The following PTPN3 variants were observed in gnomAD, a reference collection of about 807,000 sequenced individuals.
The protein encoded by PTPN3 is tyrosine-protein phosphatase non-receptor type 3.
Under a neutral mutation model 132.7 loss-of-function variants are expected in PTPN3, and 96 were observed. The observed-to-expected ratio is 0.72, with a 90% CI of 0.61 to 0.86. The LOEUF is 0.86. Ranked by LOEUF, PTPN3 falls within the 40% of genes least tolerant of loss-of-function variation. The pLI, the probability that PTPN3 is intolerant of heterozygous loss-of-function variation, is 0.00. For missense variants in PTPN3, 1,125 were observed against 1,159.6 expected (o/e 0.97, Z 0.43); for synonymous variants, 398 against 429.0 (o/e 0.93, Z 0.89).
intron 1 of PTPN3, among the ~76,000 whole-genome samples, chr9:109,477,399 C>T (rs780096255): frequency 6.6e-6 from 1 of 152,228 alleles, no homozygotes; most frequent in Middle Eastern, 3.4e-3. Flanking sequence ...ACCATATTAC[C>T]TCTGCTCTAA....
chr9:109,472,318 G>C (rs910621645), intron 1 of PTPN3, among the ~76,000 whole-genome samples: 21 of 152,202 alleles, frequency 1.4e-4, no homozygotes, highest in African/African-American at 5.1e-4. Flanking sequence ...CCCTTCCTCA[G>C]AAACCCGTTG....
chr9:109,423,194 T>C (rs937083156), intron 12 of PTPN3, among the ~76,000 whole-genome samples: 1 of 152,270 alleles, frequency 6.6e-6, no homozygotes, highest in African/African-American at 2.4e-5. Flanking sequence ...TTATTCACAC[T>C]GGCCTAAGTA....
chr9:109,476,430 A>G (rs909642886), intron 1 of PTPN3, among the ~76,000 whole-genome samples: 1 of 152,130 alleles, frequency 6.6e-6, no homozygotes, highest in Non-Finnish European at 1.5e-5. Flanking sequence ...AAAAAATAAA[A>G]GGTAAAGAAA....
chr9:109,517,909 TCCTGGCCACTC>T, the PTPN3 span, among the ~76,000 whole-genome samples: 1 of 152,162 alleles, frequency 6.6e-6, no homozygotes, highest in Non-Finnish European at 1.5e-5. Context: ...ACATTGAGTC[TCCTGGCCACTC>T]CCTGCAGGCT....
At chr9:109,413,217 G>C (rs555659795) in intron 14 of PTPN3, among the ~76,000 whole-genome samples, 1 of 152,064 alleles carries the variant, frequency 6.6e-6, no homozygotes, top group South Asian at 2.1e-4. Context: ...GCCTCCCAAA[G>C]TGCTGGGATT....
Position 109,381,639 on chromosome 9 carries a change from GA to G in PTPN3, c.2664+12del. The G allele has an allele frequency of 6.2e-7, 1 of 1,614,118 alleles. No individual in the cohort carries two copies. Reference sequence around the variant, plus strand: ...AAAGTGCCAGCCACCGTAATTACTGGATTTCTACTCACTGATGTCTGCACCA... The same window carrying G: ...AAAGTGCCAGCCACCGTAATTACTGGTTTCTACTCACTGATGTCTGCACCA... On this transcript the variant is annotated intron_variant, in intron 25 of 25. Coordinates refer to ENST00000374541, the MANE Select transcript of PTPN3 (RefSeq NM_002829.4).
the PTPN3 span, among the ~76,000 whole-genome samples, chr9:109,535,546 C>T: frequency 2.0e-5 from 3 of 151,820 alleles, no homozygotes; most frequent in Admixed American, 1.3e-4. Context: ...TTCTCTCTGT[C>T]GCCCAGGCTG....
chr9:109,438,652 C>A (rs942215223), intron 7 of PTPN3, among the ~76,000 whole-genome samples: 2 of 152,166 alleles, frequency 1.3e-5, no homozygotes, highest in African/African-American at 4.8e-5. Flanking sequence ...CTCTGCCATA[C>A]CCCAAGGTTA....
At chr9:109,493,034 T>G (rs1847529511) in intron 1 of PTPN3, among the ~76,000 whole-genome samples, 1 of 152,240 alleles carries the variant, frequency 6.6e-6, no homozygotes, top group African/African-American at 2.4e-5. Flanking sequence ...TGTTTTAAAT[T>G]TAGAGAAACA....
In PTPN3 at chr9:109,457,414, A is replaced by G. The variant is rs756502900; in HGVS notation, c.139-15T>C. On this transcript the variant is annotated splice_polypyrimidine_tract_variant and intron_variant, in intron 2 of 25. Coordinates refer to ENST00000374541, the MANE Select transcript of PTPN3 (RefSeq NM_002829.4). ...GTGTCTTGTTTCTAGAACAAAGGAA[A>G]TTATCAAGTGGGAAAAGTCTTAAAT... is the stretch of plus-strand genomic sequence containing the variant. 3 of 1,588,388 alleles carry G rather than the reference A, an allele frequency of 1.9e-6. No homozygotes were observed. Among genetic ancestry groups the G allele is most frequent in the Non-Finnish European group, 2.6e-6 (3 of 1,165,016 alleles).
intron 1 of PTPN3, among the ~76,000 whole-genome samples, chr9:109,467,167 T>A: frequency 6.6e-6 from 1 of 152,274 alleles, no homozygotes; most frequent in South Asian, 2.1e-4. Flanking sequence ...CAAAAAGTTA[T>A]CAAAAGACAA....
chr9:109,408,230 A>C (rs1331806270), intron 17 of PTPN3, 91 bp downstream of exon 17: 1 of 1,093,516 alleles, frequency 9.1e-7, no homozygotes, highest in East Asian at 2.5e-5. Flanking sequence ...TTGCTCTGGC[A>C]AAAAAAGAAA....
upstream of PTPN3, among the ~76,000 whole-genome samples, chr9:109,501,619 T>C (rs1847865463): frequency 6.6e-6 from 1 of 152,238 alleles, no homozygotes; most frequent in African/African-American, 2.4e-5. Flanking sequence ...TATCATAAGC[T>C]CCCAAACCTT....
At chr9:109,522,519 A>C in the PTPN3 span, among the ~76,000 whole-genome samples, 1 of 152,176 alleles carries the variant, frequency 6.6e-6, no homozygotes, top group South Asian at 2.1e-4. Context: ...ACACTAAACA[A>C]ATATTTTTAT....
intron 19 of PTPN3, among the ~76,000 whole-genome samples, chr9:109,401,408 C>G (rs181038129): frequency 1.3e-5 from 2 of 152,346 alleles, no homozygotes; most frequent in Non-Finnish European, 2.9e-5. Context: ...GATCTCCATA[C>G]AAGTGGTCGG....
At chr9:109,469,597 C>T (rs1035310196) in intron 1 of PTPN3, among the ~76,000 whole-genome samples, 40 of 152,056 alleles carry the variant, frequency 2.6e-4, no homozygotes, top group African/African-American at 9.2e-4. Context: ...CCAGCCTGAG[C>T]GACAGAGTGA....
the PTPN3 span, among the ~76,000 whole-genome samples, chr9:109,522,669 G>T: frequency 1.3e-5 from 2 of 152,094 alleles, no homozygotes; most frequent in African/African-American, 4.8e-5. Flanking sequence ...CAACTATAAA[G>T]TGATTTATCT....
intron 1 of PTPN3, among the ~76,000 whole-genome samples, chr9:109,480,960 C>T (rs1258956333): frequency 6.6e-6 from 1 of 152,140 alleles, no homozygotes; most frequent in East Asian, 1.9e-4. Context: ...GATGGATAAA[C>T]CACTAGGTTT....
rs769545167 is a variant in PTPN3 at position 109,391,137 on chromosome 9, C to T, written c.2106+1G>A. ...AAGCATCATCCAGATTCCTAACTTA[C>T]GTTCACGTAACTTGCATTAATATAA... On this transcript the variant is annotated splice_donor_variant, in intron 21 of 25. Transcript: ENST00000374541. LOFTEE classifies it high-confidence loss of function. 5 of 1,612,310 alleles carry T rather than the reference C, an allele frequency of 3.1e-6. No homozygotes were observed. Among genetic ancestry groups the T allele is most frequent in the Non-Finnish European group, 3.4e-6 (4 of 1,178,578 alleles).
Sources: gnomAD v4.1 joint callset for allele counts (sites outside exome capture counted in the v4.1 genomes callset) on GRCh38, gnomAD v4.1.1 for gene constraint, MANE v1.5 for transcripts, NCBI Gene and HGNC (gene_info 2026-07-23, HGNC 2026-07-21) for gene names.